The following CLIC4 variants were observed in gnomAD, a reference collection of about 807,000 sequenced individuals.
CLIC4 encodes CLIC family member 4, also known as chloride intracellular channel protein 4.
In CLIC4, 13 loss-of-function variants were observed where a neutral mutation model predicts 24.6. That is an observed-to-expected ratio of 0.53 (90% confidence interval 0.34 to 0.84). The LOEUF is 0.84. Ranked by LOEUF, CLIC4 falls within the 40% of genes least tolerant of loss-of-function variation. The pLI is 0.01. For synonymous variants in CLIC4, 104 were observed against 111.3 expected (o/e 0.93, Z 0.41); for missense variants, 227 against 301.7 (o/e 0.75, Z 1.83).
chr1:24,781,071 G>A (rs1268449421), intron 1 of CLIC4, among the ~76,000 whole-genome samples: 4 of 118,282 alleles, frequency 3.4e-5, no homozygotes, highest in Non-Finnish European at 6.7e-5. Flanking sequence ...TCGGCAACAA[G>A]AGTGAAACTC....
At chr1:24,795,383 A>G (rs4562565) in intron 1 of CLIC4, among the ~76,000 whole-genome samples, 93,753 of 151,684 alleles carry the variant, frequency 0.62, 30,133 homozygotes, top group Non-Finnish European at 0.71. Flanking sequence ...TGGGCCGGGT[A>G]TGGTGGTGCA....
intron 1 of CLIC4, among the ~76,000 whole-genome samples, chr1:24,761,383 C>T (rs1638925875): frequency 1.3e-5 from 2 of 152,106 alleles, no homozygotes; most frequent in Admixed American, 6.5e-5. Flanking sequence ...GATGGAGGCT[C>T]AGTGAGAGCT....
At chr1:24,798,425 A>G (rs904093788) in intron 2 of CLIC4, among the ~76,000 whole-genome samples, 1 of 152,064 alleles carries the variant, frequency 6.6e-6, no homozygotes, top group Admixed American at 6.6e-5. Flanking sequence ...CTAAGTGAAG[A>G]GTTGTTTGTA....
At chr1:24,764,187 G>C (rs565528005) in intron 1 of CLIC4, among the ~76,000 whole-genome samples, 2 of 152,144 alleles carry the variant, frequency 1.3e-5, no homozygotes, top group African/African-American at 4.8e-5. Flanking sequence ...CGCAACCTCC[G>C]CCTCCCGGGT....
chr1:24,839,176 A>C (rs1311312242), intron 4 of CLIC4, among the ~76,000 whole-genome samples: 1 of 152,188 alleles, frequency 6.6e-6, no homozygotes, highest in East Asian at 1.9e-4. Flanking sequence ...GAGGGCAAAA[A>C]TCTGCCTCTA....
intron 3 of CLIC4, among the ~76,000 whole-genome samples, chr1:24,820,096 T>TATATATATATATATATATATATATAC (rs1557812358): frequency 1.8e-5 from 2 of 109,902 alleles, no homozygotes; most frequent in African/African-American, 6.3e-5. Flanking sequence ...TATATATATA[T>TATATATATATATATATATATATATAC]AGACAGTATC....
At chr1:24,747,384 A>C (rs1185198951) in intron 1 of CLIC4, among the ~76,000 whole-genome samples, 3 of 151,456 alleles carry the variant, frequency 2.0e-5, no homozygotes, top group Non-Finnish European at 4.4e-5. Flanking sequence ...AAATACAAAA[A>C]TTAGCTGGGC....
intron 3 of CLIC4, among the ~76,000 whole-genome samples, chr1:24,824,204 TA>T (rs1165654809): frequency 6.6e-6 from 1 of 152,226 alleles, no homozygotes; most frequent in Non-Finnish European, 1.5e-5. Flanking sequence ...ATCTAATCTG[TA>T]ATAGAAACAA....
chr1:24,837,153 A>G (rs2124176838), intron 4 of CLIC4, among the ~76,000 whole-genome samples: 1 of 152,288 alleles, frequency 6.6e-6, no homozygotes, highest in East Asian at 1.9e-4. Flanking sequence ...AAGTCTAACA[A>G]ATAAAAAAAA....
intron 3 of CLIC4, among the ~76,000 whole-genome samples, 166 bp from the exon 4 acceptor site, chr1:24,826,844 G>A (rs1309018142): frequency 6.6e-6 from 1 of 152,120 alleles, no homozygotes; most frequent in Non-Finnish European, 1.5e-5. Context: ...GCTTTGTCTC[G>A]TAAGGAAAAA....
At chr1:24,796,483 A>G (rs768931249) in intron 1 of CLIC4, among the ~76,000 whole-genome samples, 48 of 151,856 alleles carry the variant, frequency 3.2e-4, no homozygotes, top group Non-Finnish European at 5.9e-4. Context: ...CACTGCACCC[A>G]GCTTATAATT....
intron 3 of CLIC4, among the ~76,000 whole-genome samples, chr1:24,819,717 G>A (rs1639706435): frequency 6.6e-6 from 1 of 151,024 alleles, no homozygotes; most frequent in Middle Eastern, 3.2e-3. Context: ...GGGATTACAG[G>A]CATGAGCCAC....
chr1:24,796,290 G>A (rs1010265844), intron 1 of CLIC4, among the ~76,000 whole-genome samples: 1 of 152,166 alleles, frequency 6.6e-6, no homozygotes, highest in Non-Finnish European at 1.5e-5. Context: ...CCGGGTTCAA[G>A]CGATTCTCCT....
intron 3 of CLIC4, among the ~76,000 whole-genome samples, chr1:24,825,920 C>G (rs1409583773): frequency 1.3e-5 from 2 of 152,180 alleles, no homozygotes; most frequent in Non-Finnish European, 2.9e-5. Flanking sequence ...GCTCCCAAGT[C>G]CATTTTCTAG....
intron 1 of CLIC4, among the ~76,000 whole-genome samples, chr1:24,751,135 A>G (rs1169581596): frequency 6.6e-6 from 1 of 151,838 alleles, no homozygotes; most frequent in Non-Finnish European, 1.5e-5. Flanking sequence ...TGATTTCTCT[A>G]GCCTCCAGTC....
intron 2 of CLIC4, among the ~76,000 whole-genome samples, chr1:24,800,939 G>T (rs1314741304): frequency 6.7e-6 from 1 of 149,708 alleles, no homozygotes; most frequent in Non-Finnish European, 1.5e-5. Flanking sequence ...AAGGCCGCAG[G>T]GTCCTCTGCC....
At position 24,839,828 on chromosome 1, in the gene CLIC4, C is replaced by A. The variant is rs762506879; in HGVS notation, c.416-32C>A. 24 of 1,584,402 alleles carry A rather than the reference C, an allele frequency of 1.5e-5. No homozygotes were observed. In the East Asian group the frequency reaches 5.4e-4, roughly 35 times the overall value. Reference sequence around the variant, plus strand: ...GGGACTTGAGTGGTTTTCCTTCTTACAGTATTCTCATCTCTTTTTTTCCCC... The same window carrying A: ...GGGACTTGAGTGGTTTTCCTTCTTAAAGTATTCTCATCTCTTTTTTTCCCC... On this transcript the variant is annotated intron_variant, in intron 4 of 5. Transcript: ENST00000374379.
intron 1 of CLIC4, among the ~76,000 whole-genome samples, chr1:24,784,165 C>T (rs1265506363): frequency 1.2e-4 from 19 of 152,044 alleles, no homozygotes; most frequent in Non-Finnish European, 1.5e-5. Context: ...ATGAAAGATT[C>T]ATGTCCATAT....
intron 1 of CLIC4, among the ~76,000 whole-genome samples, chr1:24,787,638 G>C (rs1411964911): frequency 6.6e-6 from 1 of 150,800 alleles, no homozygotes; most frequent in African/African-American, 2.4e-5. Context: ...CCGTGTTCAC[G>C]CATTCTCCTG....
Sources: gnomAD v4.1 joint callset for allele counts (sites outside exome capture counted in the v4.1 genomes callset) on GRCh38, gnomAD v4.1.1 for gene constraint, MANE v1.5 for transcripts, NCBI Gene and HGNC (gene_info 2026-07-23, HGNC 2026-07-21) for gene names.